SDK1: variants seen among roughly 807,000 people sequenced by gnomAD.
The protein encoded by SDK1 is sidekick cell adhesion molecule 1.
In SDK1, 157 loss-of-function variants were observed where a neutral mutation model predicts 245.5. The ratio of observed to expected loss-of-function variants is 0.64; its 90% confidence interval spans 0.56 to 0.73. SDK1 has a LOEUF of 0.73. Among genes scored for constraint, SDK1 ranks in the 30% least tolerant of loss-of-function variants. The pLI is 0.00. For missense variants in SDK1, 3,583 were observed against 3,002.3 expected, an observed-to-expected ratio of 1.19 and a Z score of -4.52; for synonymous variants, 1,647 against 1,278.5, an observed-to-expected ratio of 1.29 and a Z score of -6.15.
At chr7:3,992,715 A>G (rs1420118113) in intron 14 of SDK1, among the ~76,000 whole-genome samples, 1 of 152,202 alleles carries the variant, frequency 6.6e-6, no homozygotes, top group Non-Finnish European at 1.5e-5. Flanking sequence ...GCAGTGTGCC[A>G]TAAAAAGGAT....
At chr7:3,381,685 C>T (rs907227489) in intron 1 of SDK1, among the ~76,000 whole-genome samples, 13 of 152,198 alleles carry the variant, frequency 8.5e-5, no homozygotes, top group African/African-American at 2.9e-4. Flanking sequence ...ATCCACAGCC[C>T]AGGGGATATG....
chr7:3,856,481 T>TA (rs34024559), intron 5 of SDK1, among the ~76,000 whole-genome samples: 28,029 of 119,006 alleles, frequency 0.24, 3,291 homozygotes, highest in Middle Eastern at 0.37. Context: ...CAGGTAATGT[T>TA]AAAAAAAAAA....
chr7:4,197,710 C>G (rs1169486005), intron 35 of SDK1, among the ~76,000 whole-genome samples: 2 of 152,192 alleles, frequency 1.3e-5, no homozygotes, highest in African/African-American at 4.8e-5. Context: ...CCCTCGTTTG[C>G]TCCTGGGTCT....
At chr7:3,820,126 A>G (rs976339213) in intron 4 of SDK1, among the ~76,000 whole-genome samples, 30 of 152,250 alleles carry the variant, frequency 2.0e-4, no homozygotes, top group African/African-American at 6.7e-4. Context: ...TCACCAGCCA[A>G]TGAATAGTTT....
At chr7:3,621,218 A>C (rs1014520349) in intron 2 of SDK1, among the ~76,000 whole-genome samples, 5 of 152,178 alleles carry the variant, frequency 3.3e-5, no homozygotes, top group African/African-American at 1.2e-4. Flanking sequence ...CAGAAACAGA[A>C]AAAGTGAACT....
intron 1 of SDK1, among the ~76,000 whole-genome samples, chr7:3,308,401 C>T (rs910880942): frequency 6.6e-6 from 1 of 152,064 alleles, no homozygotes; most frequent in Non-Finnish European, 1.5e-5. Context: ...TAATTGTCTT[C>T]ATTAGGGGCT....
intron 35 of SDK1, among the ~76,000 whole-genome samples, chr7:4,201,005 C>T (rs1783849994): frequency 6.6e-6 from 1 of 152,154 alleles, no homozygotes; most frequent in South Asian, 2.1e-4. Flanking sequence ...CATGTAGGGA[C>T]CTGAAGCTCC....
chr7:3,600,162 A>G (rs1227179138), intron 1 of SDK1, among the ~76,000 whole-genome samples: 2 of 152,232 alleles, frequency 1.3e-5, no homozygotes, highest in African/African-American at 4.8e-5. Flanking sequence ...ATACCTAAGT[A>G]TATCATTCTC....
intron 1 of SDK1, among the ~76,000 whole-genome samples, chr7:3,382,989 A>T (rs1008939908): frequency 2.6e-5 from 4 of 152,210 alleles, no homozygotes; most frequent in Admixed American, 6.5e-5. Context: ...TCCCCAACTT[A>T]TGAATACCAT....
At chr7:3,838,807 G>A (rs1000777444) in intron 5 of SDK1, among the ~76,000 whole-genome samples, 4 of 152,066 alleles carry the variant, frequency 2.6e-5, no homozygotes, top group African/African-American at 9.7e-5. Flanking sequence ...TTGCACTCTT[G>A]TCTTTCTTAT....
At chr7:3,538,551 G>C (rs1281988278) in intron 1 of SDK1, among the ~76,000 whole-genome samples, 2 of 152,174 alleles carry the variant, frequency 1.3e-5, no homozygotes, top group African/African-American at 2.4e-5. Context: ...TTATGCTTAA[G>C]GTAAATCTCC....
At chr7:3,803,607 G>C (rs890231524) in intron 4 of SDK1, among the ~76,000 whole-genome samples, 1 of 151,818 alleles carries the variant, frequency 6.6e-6, no homozygotes, top group Admixed American at 6.6e-5. Context: ...CACTGCGCCT[G>C]TTACACTTTC....
chr7:3,307,185 T>C (rs1779437124), intron 1 of SDK1, among the ~76,000 whole-genome samples: 1 of 152,214 alleles, frequency 6.6e-6, no homozygotes, highest in Admixed American at 6.5e-5. Context: ...TTATTTGACT[T>C]CATTTCTGTA....
At chr7:4,141,014 G>T (rs1779549791) in intron 28 of SDK1, among the ~76,000 whole-genome samples, 1 of 152,218 alleles carries the variant, frequency 6.6e-6, no homozygotes, top group South Asian at 2.1e-4. Flanking sequence ...TTTGCCTGAG[G>T]GCTGGGTCAG....
chr7:3,639,168 C>T (rs575537321), intron 3 of SDK1, 58 bp downstream of exon 3: 2 of 899,938 alleles, frequency 2.2e-6, no homozygotes, highest in South Asian at 1.8e-5. Context: ...GCTGGGGAGT[C>T]AATCAGAATC....
At chr7:3,940,005 C>T (rs1780297524) in intron 5 of SDK1, among the ~76,000 whole-genome samples, 1 of 152,248 alleles carries the variant, frequency 6.6e-6, no homozygotes, top group South Asian at 2.1e-4. Context: ...TGTTCAAGGC[C>T]AGGAAAGACT....
rs190791908 is a variant in SDK1 at position 4,067,265 on chromosome 7, G to A, written c.2912-573G>A. 5.0e-4 allele frequency among the ~76,000 whole-genome samples: 76 copies of A among 152,310 alleles called. 1 individual carries two copies. Among genetic ancestry groups the A allele is most frequent in the African/African-American group, 1.8e-3 (75 of 41,568 alleles). ...GCCTGCCCGTGTTAGCAAGGGGGCC[G>A]CAGGGCACAGAAGCTCCTGGGAAAG... On this transcript the variant is annotated intron_variant, in intron 19 of 44. Transcript: ENST00000404826.
chr7:3,404,088 T>G (rs1003715334), intron 1 of SDK1, among the ~76,000 whole-genome samples: 1 of 151,398 alleles, frequency 6.6e-6, no homozygotes, highest in African/African-American at 2.4e-5. Flanking sequence ...TAATTAAACA[T>G]TTTCTAAAAA....
intron 1 of SDK1, among the ~76,000 whole-genome samples, chr7:3,613,533 C>G (rs1429613406): frequency 6.6e-6 from 1 of 152,106 alleles, no homozygotes; most frequent in Non-Finnish European, 1.5e-5. Context: ...TTGCATTTCT[C>G]TAATGGTGGG....
Sources: allele counts gnomAD v4.1 joint callset (sites outside exome capture counted in the v4.1 genomes callset), GRCh38; gene constraint gnomAD v4.1.1; transcripts MANE v1.5; gene names NCBI Gene and HGNC (gene_info 2026-07-23, HGNC 2026-07-21).